CCDC50: variants seen among roughly 807,000 people sequenced by gnomAD.
The protein encoded by CCDC50 is coiled-coil domain-containing protein 50.
Under a neutral mutation model 70.2 loss-of-function variants are expected in CCDC50, and 54 were observed. The ratio of observed to expected loss-of-function variants is 0.77; its 90% CI spans 0.62 to 0.96. CCDC50 has a LOEUF of 0.96. Ranked by LOEUF, CCDC50 falls within the 50% of genes least tolerant of loss-of-function variation. The pLI, the probability that CCDC50 is intolerant of heterozygous loss-of-function variation, is 0.00. For missense variants in CCDC50, 558 were observed against 578.7 expected (o/e 0.96, Z 0.37); for synonymous variants, 216 against 198.8 (o/e 1.09, Z -0.73).
chr3:191,375,376 G>T lies in CCDC50; in HGVS notation c.763G>T (p.Glu255Ter). ...VFLSTECDDW[E>*]TKINHQTRNW... ...TCTGAGCACTGAATGTGATGACTGG[G>T]AGACTAAGATTAACCATCAGACTCG... Residue 255 changes from glutamate to a stop codon, truncating the protein, a stop_gained, in exon 6 of 12, where the codon GAG becomes TAG. Transcript: ENST00000392455. LOFTEE classifies it high-confidence loss of function. The T allele has an allele frequency of 1.2e-6, 2 of 1,613,754 alleles. No homozygotes were observed. The highest frequency in any genetic ancestry group is 1.7e-6 in the Non-Finnish European group (2 of 1,179,830).
chr3:191,337,229 T>C (rs1380319505), intron 1 of CCDC50, among the ~76,000 whole-genome samples: 1 of 152,190 alleles, frequency 6.6e-6, no homozygotes, highest in Non-Finnish European at 1.5e-5. Context: ...AACTTTGTTA[T>C]TTAACCTTTT....
At chr3:191,331,305 A>C (rs923498760) in intron 1 of CCDC50, among the ~76,000 whole-genome samples, 5 of 152,200 alleles carry the variant, frequency 3.3e-5, no homozygotes, top group Admixed American at 1.3e-4. Context: ...GAGTGAAAAA[A>C]CATAAAACTC....
intron 4 of CCDC50, among the ~76,000 whole-genome samples, chr3:191,361,501 TACCTCTTGGGA>T (rs1712486224): frequency 6.6e-6 from 1 of 152,202 alleles, no homozygotes; most frequent in Non-Finnish European, 1.5e-5. Flanking sequence ...AGGGTCACGC[TACCTCTTGGGA>T]AGGATCCTTC....
chr3:191,373,736 A>G (rs1409482464), intron 5 of CCDC50, among the ~76,000 whole-genome samples: 1 of 152,150 alleles, frequency 6.6e-6, no homozygotes, highest in Non-Finnish European at 1.5e-5. Flanking sequence ...TTACCCATAA[A>G]TGATGAAGAT....
chr3:191,334,855 C>G (rs1311167076), intron 1 of CCDC50, among the ~76,000 whole-genome samples: 55 of 152,184 alleles, frequency 3.6e-4, no homozygotes, highest in Non-Finnish European at 1.5e-5. Context: ...GATAATGTAT[C>G]ATATGGATGC....
In CCDC50 at chr3:191,353,439, G is replaced by A. The variant is rs1712168880; in HGVS notation, c.50-3649G>A. Among the ~76,000 whole-genome samples the A allele has an allele frequency of 1.4e-5, 2 of 141,760 alleles. 1 individual carries two copies. Among genetic ancestry groups the A allele is most frequent in the South Asian group, 4.5e-4 (2 of 4,478 alleles). 93.0% of individuals were successfully genotyped at this position (141,760 alleles called of 152,430 possible). ...GTGAAAGGTGGTTCACCTTAAATGTGCCCACAGAGAAAGGTGGGAAGATGA... is the reference window on the plus strand; with the variant it reads ...GTGAAAGGTGGTTCACCTTAAATGTACCCACAGAGAAAGGTGGGAAGATGA... On this transcript the variant is annotated intron_variant, in intron 1 of 11. Coordinates refer to ENST00000392455, the MANE Select transcript of CCDC50 (RefSeq NM_178335.3).
Position 191,357,116 on chromosome 3 carries a change from C to A in CCDC50, c.78C>A (p.Asp26Glu). Residue 26 changes from aspartate (D) to glutamate (E), a missense_variant, in exon 2 of 12, where the codon GAC becomes GAA. Transcript: ENST00000392455. ...EVCRDFAVLE[D>E]HTLAHSLQEQ... ...GCCGAGATTTTGCTGTCCTGGAGGA[C>A]CACACCCTGGCTCACAGCCTGCAGG... 1 of 1,613,464 alleles carries A rather than the reference C, an allele frequency of 6.2e-7. No homozygotes were observed. The highest frequency in any genetic ancestry group is 2.2e-5 in the East Asian group (1 of 44,862).
chr3:191,336,373 G>A (rs1711523473), intron 1 of CCDC50, among the ~76,000 whole-genome samples: 1 of 152,046 alleles, frequency 6.6e-6, no homozygotes, highest in South Asian at 2.1e-4. Context: ...TTGAGCAAGT[G>A]TGTCATGATA....
Position 191,396,550 on chromosome 3 carries a change from A to C in CCDC50, c.*4790A>C, listed in dbSNP as rs1262073443. 1 of 152,182 alleles carries C rather than the reference A, an allele frequency of 6.6e-6. No individual in the cohort carries two copies. Among genetic ancestry groups the C allele is most frequent in the African/African-American group, 2.4e-5 (1 of 41,444 alleles). The allele number at this position is 152,182 out of a possible 1,614,324, so 9.4% of individuals were successfully genotyped here. ...TGACTGTCTTCTATGGTGACTACAT[A>C]GAAGATATTTCCAAAGGTTCTGTTA... On this transcript the variant is annotated 3_prime_UTR_variant, in exon 12 of 12. Transcript: ENST00000392455.
chr3:191,387,250 T>C (rs1713527003), intron 10 of CCDC50, among the ~76,000 whole-genome samples: 1 of 152,170 alleles, frequency 6.6e-6, no homozygotes, highest in Admixed American at 6.5e-5. Flanking sequence ...GGAGACATCC[T>C]GGTTTAAGTG....
rs966153492 is a variant in CCDC50 at position 191,396,642 on chromosome 3, C to T, written c.*4882C>T. Reference sequence around the variant, plus strand: ...CACCCTTGTGTATTGAAATGCTTAACCATTAACAGGGAAAAAAAAGGAGAA... The same window carrying T: ...CACCCTTGTGTATTGAAATGCTTAATCATTAACAGGGAAAAAAAAGGAGAA... On this transcript the variant is annotated 3_prime_UTR_variant, in exon 12 of 12. Coordinates refer to ENST00000392455, the MANE Select transcript of CCDC50 (RefSeq NM_178335.3). 4 of 151,902 alleles carry T rather than the reference C, an allele frequency of 2.6e-5. No individual in the cohort carries two copies. The highest frequency in any genetic ancestry group is 9.7e-5 in the African/African-American group (4 of 41,316). 9.4% of individuals were successfully genotyped at this position (151,902 alleles called of 1,614,324 possible).
At chr3:191,357,496 A>G (rs1712332094) in intron 2 of CCDC50, among the ~76,000 whole-genome samples, 1 of 152,188 alleles carries the variant, frequency 6.6e-6, no homozygotes, top group Admixed American at 6.5e-5. Flanking sequence ...AGGGACTTGA[A>G]CAGTTTTCCC....
intron 4 of CCDC50, among the ~76,000 whole-genome samples, chr3:191,368,753 A>G (rs1001503135): frequency 6.6e-6 from 1 of 152,112 alleles, no homozygotes; most frequent in African/African-American, 2.4e-5. Context: ...ATTACCAATG[A>G]TTGTTATTAC....
In CCDC50 at chr3:191,375,571, C is replaced by T. The variant is rs1323426494; in HGVS notation, c.958C>T (p.Leu320Phe). ...TPPFSESEEQ[L>F]HLHDAGMKPR... ...TCCATTCTCAGAGAGTGAGGAGCAG[C>T]TCCACCTCCATGACGCAGGTAATAG... is the stretch of plus-strand genomic sequence containing the variant. Residue 320 changes from leucine (L) to phenylalanine (F), a missense_variant, in exon 6 of 12, where the codon CTC becomes TTC. Transcript: ENST00000392455. 2.5e-6 allele frequency: 4 copies of T among 1,612,990 alleles called. No homozygotes were observed. Among genetic ancestry groups the T allele is most frequent in the African/African-American group, 2.7e-5 (2 of 74,836 alleles).
intron 1 of CCDC50, among the ~76,000 whole-genome samples, chr3:191,339,847 T>C (rs1456387496): frequency 6.6e-6 from 1 of 152,188 alleles, no homozygotes; most frequent in African/African-American, 2.4e-5. Context: ...AGGCACCAGG[T>C]TGAACAAAAG....
chr3:191,375,159 G>C lies in CCDC50; in HGVS notation c.546G>C (p.Glu182Asp), dbSNP rs201472875. The change falls in exon 6 of 12, where the codon GAG becomes GAC. Residue 182 changes from glutamate to aspartate, a missense_variant. Coordinates refer to ENST00000392455, the MANE Select transcript of CCDC50 (RefSeq NM_178335.3). ...GAAAGACTGTGAAGCACAAGAAAGAGAAACCAGAACATCCACTGGAGAACT... is the reference window on the plus strand; with the variant it reads ...GAAAGACTGTGAAGCACAAGAAAGACAAACCAGAACATCCACTGGAGAACT... ...RDGKTVKHKK[E>D]KPEHPLENLE... 6.6e-5 allele frequency: 107 copies of C among 1,613,642 alleles called. No individual in the cohort carries two copies. Among genetic ancestry groups the C allele is most frequent in the Non-Finnish European group, 8.8e-5 (104 of 1,179,796 alleles).
chr3:191,338,463 C>T (rs898915961), intron 1 of CCDC50, among the ~76,000 whole-genome samples: 4 of 152,144 alleles, frequency 2.6e-5, no homozygotes, highest in Admixed American at 6.5e-5. Flanking sequence ...ATATCTGGGC[C>T]GGTAGCTCTT....
intron 10 of CCDC50, among the ~76,000 whole-genome samples, chr3:191,388,462 A>G (rs1010678487): frequency 6.6e-6 from 1 of 152,200 alleles, no homozygotes; most frequent in African/African-American, 2.4e-5. Context: ...ATTAGCATAC[A>G]GACTTGTCCT....
chr3:191,388,261 A>G (rs1713564354), intron 10 of CCDC50, among the ~76,000 whole-genome samples: 2 of 152,138 alleles, frequency 1.3e-5, no homozygotes, highest in Admixed American at 1.3e-4. Context: ...ATATATACAT[A>G]TAGTCTTTTA....
Sources: allele counts gnomAD v4.1 joint callset (sites outside exome capture counted in the v4.1 genomes callset), GRCh38; gene constraint gnomAD v4.1.1; transcripts MANE v1.5; gene names NCBI Gene and HGNC (gene_info 2026-07-23, HGNC 2026-07-21).